Variants in SCAI observed in about 807,000 individuals in gnomAD.
The protein encoded by SCAI is protein SCAI.
In SCAI, 24 loss-of-function variants were observed where a neutral mutation model predicts 92.2. The ratio of observed to expected loss-of-function variants is 0.26; its 90% CI spans 0.19 to 0.37. SCAI has a LOEUF of 0.37. SCAI is among the 10% of genes least tolerant of loss of function. The pLI is 1.00. For synonymous variants in SCAI, 261 were observed against 258.6 expected, an observed-to-expected ratio of 1.01 and a Z score of -0.09; for missense variants, 450 against 736.2, an observed-to-expected ratio of 0.61 and a Z score of 4.50.
intron 13 of SCAI, among the ~76,000 whole-genome samples, chr9:124,996,072 T>C (rs1403853574): frequency 1.3e-5 from 2 of 152,156 alleles, no homozygotes; most frequent in East Asian, 3.8e-4. Context: ...GTTTTTCTTT[T>C]ATTGACAAAT....
At position 124,951,605 on chromosome 9, in the gene SCAI, C is replaced by T. The variant is rs1831237077; in HGVS notation, c.*1202G>A. ...TTCTCCTGGGACTGCCAGATGTGATCCTGTACAGAAAATTAGGTATAAGGC... is the reference window on the plus strand; with the variant it reads ...TTCTCCTGGGACTGCCAGATGTGATTCTGTACAGAAAATTAGGTATAAGGC... On this transcript the variant is annotated 3_prime_UTR_variant, in exon 18 of 18. Coordinates refer to ENST00000336505, the MANE Select transcript of SCAI (RefSeq NM_001144877.3). The T allele has an allele frequency of 6.6e-6, 1 of 152,038 alleles. No individual in the cohort carries two copies. The highest frequency in any genetic ancestry group is 2.4e-5 in the African/African-American group (1 of 41,384). 9.4% of individuals were successfully genotyped at this position (152,038 alleles called of 1,614,324 possible).
intron 2 of SCAI, among the ~76,000 whole-genome samples, chr9:125,094,168 C>T (rs185914361): frequency 6.6e-6 from 1 of 152,250 alleles, no homozygotes; most frequent in East Asian, 1.9e-4. Flanking sequence ...ACATGGTTTC[C>T]CATCTCATTC....
intron 6 of SCAI, among the ~76,000 whole-genome samples, chr9:125,024,214 G>A (rs148611115): frequency 1.4e-3 from 215 of 151,590 alleles, no homozygotes; most frequent in African/African-American, 4.9e-3. Context: ...CAACATAAGT[G>A]GTGACAGTAT....
rs112997199 is a variant in SCAI, at chr9:125,115,139, G to A, written c.98+27494C>T. Among the ~76,000 whole-genome samples the A allele has an allele frequency of 1.1e-3, 167 of 152,028 alleles. 1 individual carries two copies. The highest frequency in any genetic ancestry group is 3.9e-3 in the African/African-American group (161 of 41,504). On this transcript the variant is annotated intron_variant, in intron 2 of 17. Coordinates refer to ENST00000336505, the MANE Select transcript of SCAI (RefSeq NM_001144877.3). ...TGTAATCCCAGCACTTCAGGAGGCCGAGGTGGGCGGATCACGAGGTCAGGA... is the reference window on the plus strand; with the variant it reads ...TGTAATCCCAGCACTTCAGGAGGCCAAGGTGGGCGGATCACGAGGTCAGGA...
intron 17 of SCAI, among the ~76,000 whole-genome samples, chr9:124,957,477 C>T (rs1831340721): frequency 6.6e-6 from 1 of 151,164 alleles, no homozygotes; most frequent in Non-Finnish European, 1.5e-5. Context: ...ATTCTCTTGC[C>T]TCAGCCTCCC....
rs1564402100 is a variant in SCAI, at chr9:125,073,100, T to TTTTTTTC, written c.99-17094_99-17093insGAAAAAA. ...TGAGGATTCTATTTTTAATTTTTTT[T>TTTTTTTC]TTTTTTTTTTTTTTTTTTTTTTGAG... is the stretch of plus-strand genomic sequence containing the variant. On this transcript the variant is annotated intron_variant, in intron 2 of 17. Transcript: ENST00000336505. Among the ~76,000 whole-genome samples the TTTTTTTC allele has an allele frequency of 1.2e-4, 12 of 102,866 alleles. 1 individual carries two copies. Among genetic ancestry groups the TTTTTTTC allele is most frequent in the African/African-American group, 4.2e-4 (12 of 28,436 alleles). The allele number at this position is 102,866 out of a possible 152,430, so 67.5% of individuals were successfully genotyped here.
chr9:125,093,339 C>A (rs1834478713), intron 2 of SCAI, among the ~76,000 whole-genome samples: 1 of 152,042 alleles, frequency 6.6e-6, no homozygotes, highest in Non-Finnish European at 1.5e-5. Flanking sequence ...CCAGCCTGGG[C>A]AACAGAACAA....
chr9:124,995,077 T>C, intron 13 of SCAI, 62 bp from the exon 14 acceptor site: 1 of 1,289,528 alleles, frequency 7.8e-7, no homozygotes, highest in Non-Finnish European at 1.1e-6. Flanking sequence ...AATCTTATTC[T>C]TCAGTTTGGT....
intron 17 of SCAI, among the ~76,000 whole-genome samples, chr9:124,955,163 G>A (rs1161178045): frequency 1.4e-5 from 2 of 138,866 alleles, no homozygotes; most frequent in Non-Finnish European, 3.1e-5. Context: ...GCGAGACTCC[G>A]TCTAAAAAAA....
Position 125,118,507 on chromosome 9 carries a change from T to C in SCAI, c.98+24126A>G, listed in dbSNP as rs544697439. On this transcript the variant is annotated intron_variant, in intron 2 of 17. Transcript: ENST00000336505. ...ATTCCAGCCTGGGAGACAGAGACCC[T>C]GTCTCAATAAATAAATAAATAAATA... Among the ~76,000 whole-genome samples the C allele has an allele frequency of 6.8e-4, 102 of 149,156 alleles. 4 individuals carry two copies. The highest frequency in any genetic ancestry group is 6.5e-3 in the Admixed American group (96 of 14,820).
rs755265066 is a variant in SCAI at position 124,952,800 on chromosome 9, T to C, written c.*7A>G. 1 of 1,600,340 alleles carries C rather than the reference T, an allele frequency of 6.2e-7. No individual in the cohort carries two copies. The highest frequency in any genetic ancestry group is 1.3e-5 in the African/African-American group (1 of 74,210). On this transcript the variant is annotated 3_prime_UTR_variant, in exon 18 of 18. Coordinates refer to ENST00000336505, the MANE Select transcript of SCAI (RefSeq NM_001144877.3). ...TGAAAACTTGTTTCGACAACAGGGT[T>C]TTTGTTTTAATAGTCATCAATGGTA...
chr9:124,970,551 T>C (rs975639531), intron 17 of SCAI, among the ~76,000 whole-genome samples: 4 of 151,856 alleles, frequency 2.6e-5, no homozygotes, highest in Non-Finnish European at 5.9e-5. Context: ...AAACCCTGTA[T>C]CTACTAAAAA....
intron 14 of SCAI, among the ~76,000 whole-genome samples, chr9:124,990,944 C>T (rs1471128983): frequency 6.6e-6 from 1 of 152,292 alleles, no homozygotes; most frequent in South Asian, 2.1e-4. Flanking sequence ...ATCAGAATCA[C>T]AGGAGGTGGA....
At chr9:125,012,462 G>A (rs572104580) in intron 9 of SCAI, among the ~76,000 whole-genome samples, 70 of 152,154 alleles carry the variant, frequency 4.6e-4, no homozygotes, top group African/African-American at 1.3e-3. Flanking sequence ...TAAAGGGATC[G>A]ATTCAACAAG....
chr9:125,099,876 T>C (rs762727773), intron 2 of SCAI, among the ~76,000 whole-genome samples: 1 of 152,244 alleles, frequency 6.6e-6, no homozygotes, highest in Non-Finnish European at 1.5e-5. Flanking sequence ...TTCATTGCTT[T>C]TTATAGCTAA....
intron 2 of SCAI, among the ~76,000 whole-genome samples, chr9:125,088,093 T>C (rs1394088661): frequency 2.0e-5 from 3 of 151,930 alleles, no homozygotes; most frequent in African/African-American, 7.3e-5. Context: ...GTCTCAACTG[T>C]TTTGTTTTGT....
rs1035836273 is a variant in SCAI at position 125,136,261 on chromosome 9, C to T, written c.98+6372G>A. ...AACTAGCTGGGACTACAGGTGTGTA[C>T]CACCACACCTGGCTAATTTTCGTAT... On this transcript the variant is annotated intron_variant, in intron 2 of 17. Transcript: ENST00000336505. 2.6e-5 allele frequency among the ~76,000 whole-genome samples: 4 copies of T among 151,292 alleles called. No individual in the cohort carries two copies. In the South Asian group the frequency reaches 6.2e-4, roughly 24 times the overall value.
chr9:125,110,932 C>G (rs549661976), intron 2 of SCAI, among the ~76,000 whole-genome samples: 1 of 152,120 alleles, frequency 6.6e-6, no homozygotes, highest in Non-Finnish European at 1.5e-5. Context: ...CCTGTGGAAC[C>G]GTGAACCAAT....
At chr9:125,079,260 T>A (rs1283746859) in intron 2 of SCAI, among the ~76,000 whole-genome samples, 1 of 152,208 alleles carries the variant, frequency 6.6e-6, no homozygotes, top group Admixed American at 6.5e-5. Context: ...CCCCCCATCA[T>A]TAGTTATGTT....
Sources: gnomAD v4.1 joint callset for allele counts (sites outside exome capture counted in the v4.1 genomes callset) on GRCh38, gnomAD v4.1.1 for gene constraint, MANE v1.5 for transcripts, NCBI Gene and HGNC (gene_info 2026-07-23, HGNC 2026-07-21) for gene names.